SLC24A2: variants seen among roughly 807,000 people sequenced by gnomAD.
The protein encoded by SLC24A2 is solute carrier family 24 member 2.
SLC24A2 carries 36 observed loss-of-function variants against 62.0 expected under a neutral mutation model. The ratio of observed to expected loss-of-function variants is 0.58; its 90% CI spans 0.44 to 0.77. The LOEUF (loss-of-function observed/expected upper bound fraction) is 0.77. Ranked by LOEUF, SLC24A2 falls within the 30% of genes least tolerant of loss-of-function variation. SLC24A2 has a pLI of 0.00. For synonymous variants in SLC24A2, 358 were observed against 294.0 expected (o/e 1.22, Z -2.23); for missense variants, 846 against 817.9 (o/e 1.03, Z -0.42).
the SLC24A2 span, among the ~76,000 whole-genome samples, chr9:19,875,572 T>C: frequency 1.3e-5 from 2 of 152,202 alleles, no homozygotes; most frequent in Admixed American, 6.5e-5. Flanking sequence ...GGGGAGGTTT[T>C]CTTGGCAAAG....
At chr9:20,233,670 A>C in the SLC24A2 span, among the ~76,000 whole-genome samples, 12 of 152,124 alleles carry the variant, frequency 7.9e-5, no homozygotes, top group African/African-American at 2.2e-4. Flanking sequence ...CGGGTCTTGA[A>C]TCTTTATCCA....
the SLC24A2 span, among the ~76,000 whole-genome samples, chr9:19,855,072 T>C: frequency 2.0e-5 from 3 of 152,214 alleles, no homozygotes; most frequent in East Asian, 3.8e-4. Context: ...TTAATCTTTG[T>C]TGGTTTAAAG....
the SLC24A2 span, among the ~76,000 whole-genome samples, chr9:20,079,751 G>C: frequency 6.6e-6 from 1 of 152,178 alleles, no homozygotes; most frequent in African/African-American, 2.4e-5. Flanking sequence ...TGGTGTATAA[G>C]AATGCTTGTG....
the SLC24A2 span, among the ~76,000 whole-genome samples, chr9:19,955,240 T>C: frequency 6.6e-6 from 1 of 152,078 alleles, no homozygotes; most frequent in Non-Finnish European, 1.5e-5. Flanking sequence ...TTTAAAGAGA[T>C]AAAGTTATTA....
intron 2 of SLC24A2, among the ~76,000 whole-genome samples, chr9:19,752,721 A>G (rs1170378722): frequency 6.6e-6 from 1 of 152,168 alleles, no homozygotes; most frequent in Non-Finnish European, 1.5e-5. Context: ...AGAGAGGGAG[A>G]ATGAATCTAT....
chr9:20,185,901 G>T, the SLC24A2 span, among the ~76,000 whole-genome samples: 1 of 152,170 alleles, frequency 6.6e-6, no homozygotes, highest in South Asian at 2.1e-4. Context: ...TTATTTATCT[G>T]AGATGTACTG....
the SLC24A2 span, among the ~76,000 whole-genome samples, chr9:20,159,868 C>T: frequency 6.6e-6 from 1 of 151,304 alleles, no homozygotes; most frequent in Non-Finnish European, 1.5e-5. Flanking sequence ...AGAAGTCATG[C>T]CATCTGAAGA....
chr9:19,609,207 C>T (rs35498066), intron 4 of SLC24A2, among the ~76,000 whole-genome samples: 7 of 152,308 alleles, frequency 4.6e-5, no homozygotes, highest in Admixed American at 1.3e-4. Flanking sequence ...TGCGCTCTCA[C>T]TGCTTCAGGA....
At chr9:20,153,218 A>C in the SLC24A2 span, among the ~76,000 whole-genome samples, 3 of 151,942 alleles carry the variant, frequency 2.0e-5, no homozygotes, top group African/African-American at 7.2e-5. Context: ...TTTGGTTTGA[A>C]GCTATTGACC....
chr9:20,253,240 T>G, the SLC24A2 span, among the ~76,000 whole-genome samples: 1 of 152,202 alleles, frequency 6.6e-6, no homozygotes, highest in African/African-American at 2.4e-5. Flanking sequence ...CTATATGATC[T>G]TAGTATCTAA....
At chr9:19,828,456 T>C in the SLC24A2 span, among the ~76,000 whole-genome samples, 8 of 152,026 alleles carry the variant, frequency 5.3e-5, no homozygotes, top group African/African-American at 1.9e-4. Context: ...TAATTCAAAA[T>C]AAAAAATTAA....
At chr9:19,889,417 T>C in the SLC24A2 span, among the ~76,000 whole-genome samples, 1 of 152,158 alleles carries the variant, frequency 6.6e-6, no homozygotes, top group Non-Finnish European at 1.5e-5. Context: ...AGATTGACTT[T>C]CTTGATACTC....
chr9:19,890,257 T>C, the SLC24A2 span, among the ~76,000 whole-genome samples: 5 of 152,194 alleles, frequency 3.3e-5, no homozygotes, highest in Non-Finnish European at 7.3e-5. Flanking sequence ...ACTGACATTG[T>C]ATTGCTTATG....
chr9:19,803,258 T>TA, the SLC24A2 span, among the ~76,000 whole-genome samples: 2 of 152,236 alleles, frequency 1.3e-5, no homozygotes, highest in Admixed American at 6.5e-5. Flanking sequence ...AGTAAAATTT[T>TA]AATTATTATT....
the SLC24A2 span, among the ~76,000 whole-genome samples, chr9:20,031,490 T>TAA: frequency 2.0e-5 from 3 of 151,402 alleles, no homozygotes; most frequent in East Asian, 5.8e-4. Context: ...TTTTATAAAT[T>TAA]AAAGAGTAAG....
chr9:20,023,153 A>G, the SLC24A2 span, among the ~76,000 whole-genome samples: 2 of 152,196 alleles, frequency 1.3e-5, no homozygotes, highest in African/African-American at 4.8e-5. Context: ...AATCATATCC[A>G]ATATATATTT....
At chr9:20,114,150 G>C in the SLC24A2 span, among the ~76,000 whole-genome samples, 1 of 152,130 alleles carries the variant, frequency 6.6e-6, no homozygotes, top group Non-Finnish European at 1.5e-5. Flanking sequence ...AACAGAAAGA[G>C]TGGTCCAAAG....
chr9:20,203,712 A>C, the SLC24A2 span, among the ~76,000 whole-genome samples: 4 of 152,158 alleles, frequency 2.6e-5, no homozygotes, highest in African/African-American at 9.6e-5. Context: ...GAAAGAAGAA[A>C]GAAGAAGCAG....
the SLC24A2 span, among the ~76,000 whole-genome samples, chr9:19,923,793 G>A: frequency 2.8e-4 from 43 of 152,260 alleles, no homozygotes; most frequent in South Asian, 1.2e-3. Context: ...TGTTGCCCAG[G>A]CTGGAGTGCG....
Sources: allele counts gnomAD v4.1 joint callset (sites outside exome capture counted in the v4.1 genomes callset), GRCh38; gene constraint gnomAD v4.1.1; transcripts MANE v1.5; gene names NCBI Gene and HGNC (gene_info 2026-07-23, HGNC 2026-07-21).